HPSE2: variants seen among roughly 807,000 people sequenced by gnomAD.
The protein encoded by HPSE2 is inactive heparanase-2.
HPSE2 carries 38 observed loss-of-function variants against 60.5 expected under a neutral mutation model. That is an observed-to-expected ratio of 0.63 (90% CI 0.48 to 0.82). The LOEUF is 0.82. Ranked by LOEUF, HPSE2 falls within the 40% of genes least tolerant of loss-of-function variation. HPSE2 has a pLI of 0.00. For synonymous variants in HPSE2, 295 were observed against 293.2 expected (o/e 1.01, Z -0.06); for missense variants, 713 against 740.4 (o/e 0.96, Z 0.43).
the HPSE2 span, among the ~76,000 whole-genome samples, chr10:99,304,522 T>C: frequency 6.6e-6 from 1 of 152,226 alleles, no homozygotes; most frequent in African/African-American, 2.4e-5. Context: ...AGAACGCTTG[T>C]GGGCTAAGCT....
chr10:98,965,021 CTTA>C (rs1260728527), intron 3 of HPSE2, among the ~76,000 whole-genome samples: 1 of 152,212 alleles, frequency 6.6e-6, no homozygotes, highest in Non-Finnish European at 1.5e-5. Context: ...GATAGAGCCA[CTTA>C]TTATTATCTC....
chr10:98,890,015 C>G (rs952232671), intron 3 of HPSE2, among the ~76,000 whole-genome samples: 1 of 152,132 alleles, frequency 6.6e-6, no homozygotes, highest in Non-Finnish European at 1.5e-5. Flanking sequence ...TTGGCAATCT[C>G]TAATTTTCAG....
At chr10:99,051,039 C>T (rs561686832) in intron 3 of HPSE2, among the ~76,000 whole-genome samples, 2 of 151,576 alleles carry the variant, frequency 1.3e-5, no homozygotes, top group Non-Finnish European at 2.9e-5. Flanking sequence ...TGTTAATATC[C>T]AATAAAAAAG....
the HPSE2 span, among the ~76,000 whole-genome samples, chr10:99,266,567 G>A: frequency 6.6e-6 from 1 of 152,048 alleles, no homozygotes; most frequent in South Asian, 2.1e-4. Context: ...ACTCACCCTT[G>A]TAGCTGAAGA....
intron 3 of HPSE2, among the ~76,000 whole-genome samples, chr10:99,076,731 A>G (rs949770618): frequency 6.6e-6 from 1 of 152,168 alleles, no homozygotes; most frequent in Non-Finnish European, 1.5e-5. Context: ...ACTAGAGTTA[A>G]AAGTGACTTA....
intron 7 of HPSE2, 132 bp from the exon 8 acceptor site, chr10:98,620,840 T>TATG: frequency 2.8e-6 from 2 of 726,520 alleles, no homozygotes; most frequent in Non-Finnish European, 4.9e-6. Flanking sequence ...TGTGCTTTCT[T>TATG]ATGATGATGC....
chr10:98,721,433 A>T (rs1319665472), intron 5 of HPSE2, among the ~76,000 whole-genome samples: 2 of 152,060 alleles, frequency 1.3e-5, no homozygotes, highest in Non-Finnish European at 2.9e-5. Context: ...ATTGTGATAT[A>T]CCTTCCCCAT....
intron 2 of HPSE2, among the ~76,000 whole-genome samples, chr10:99,164,598 C>A (rs1157677196): frequency 6.6e-6 from 1 of 151,994 alleles, no homozygotes; most frequent in East Asian, 1.9e-4. Context: ...TACTTCTAGA[C>A]CCTCTCAAGT....
At chr10:98,561,454 G>A (rs1478611037) in intron 9 of HPSE2, among the ~76,000 whole-genome samples, 1 of 152,004 alleles carries the variant, frequency 6.6e-6, no homozygotes, top group East Asian at 1.9e-4. Context: ...ACAACTGTTA[G>A]GCTAAATATT....
chr10:99,032,472 C>T (rs1334959882), intron 3 of HPSE2, among the ~76,000 whole-genome samples: 1 of 152,196 alleles, frequency 6.6e-6, no homozygotes, highest in Non-Finnish European at 1.5e-5. Flanking sequence ...CCTGCCCCAT[C>T]CCTTTCAAAC....
chr10:98,524,852 G>A (rs1942912374), intron 9 of HPSE2, among the ~76,000 whole-genome samples: 1 of 152,060 alleles, frequency 6.6e-6, no homozygotes, highest in Non-Finnish European at 1.5e-5. Context: ...AATCTTACAT[G>A]CACAATATAA....
intron 9 of HPSE2, among the ~76,000 whole-genome samples, chr10:98,565,598 C>T (rs2133885041): frequency 6.6e-6 from 1 of 152,198 alleles, no homozygotes; most frequent in South Asian, 2.1e-4. Flanking sequence ...TGGGTTGATG[C>T]CATGTCTTTG....
At chr10:98,918,434 G>A (rs576407270) in intron 3 of HPSE2, among the ~76,000 whole-genome samples, 22 of 151,550 alleles carry the variant, frequency 1.5e-4, no homozygotes, top group South Asian at 2.1e-4. Context: ...CAACCCAAAT[G>A]TCCAACAATG....
chr10:98,659,983 G>C (rs117794776), intron 6 of HPSE2, among the ~76,000 whole-genome samples: 2,456 of 152,280 alleles, frequency 0.016, 32 homozygotes, highest in Middle Eastern at 0.085. Context: ...ATAAGCTAAG[G>C]ATGGGAAAAG....
At chr10:98,633,747 C>T (rs1403779949) in intron 7 of HPSE2, among the ~76,000 whole-genome samples, 1 of 152,136 alleles carries the variant, frequency 6.6e-6, no homozygotes, top group Non-Finnish European at 1.5e-5. Context: ...GAGTCAGCGC[C>T]TCTAACCCTC....
At chr10:98,919,228 C>A (rs1346717122) in intron 3 of HPSE2, among the ~76,000 whole-genome samples, 1 of 152,136 alleles carries the variant, frequency 6.6e-6, no homozygotes, top group African/African-American at 2.4e-5. Context: ...CGAGTATACA[C>A]ATAAGCAGAT....
At chr10:98,791,159 T>C (rs1452846495) in intron 3 of HPSE2, among the ~76,000 whole-genome samples, 1 of 152,238 alleles carries the variant, frequency 6.6e-6, no homozygotes, top group East Asian at 1.9e-4. Flanking sequence ...TATATCATTT[T>C]CCCACAACTT....
intron 3 of HPSE2, among the ~76,000 whole-genome samples, chr10:99,139,192 C>T (rs183582311): frequency 6.6e-6 from 1 of 152,128 alleles, no homozygotes; most frequent in Admixed American, 6.5e-5. Context: ...GAATGGAAAA[C>T]CAAATAATGT....
At chr10:99,036,335 C>G (rs906090641) in intron 3 of HPSE2, among the ~76,000 whole-genome samples, 5 of 152,158 alleles carry the variant, frequency 3.3e-5, no homozygotes, top group African/African-American at 9.6e-5. Flanking sequence ...TATAGATGAG[C>G]CTGGAGCATC....
Sources: allele counts gnomAD v4.1 joint callset (sites outside exome capture counted in the v4.1 genomes callset), GRCh38; gene constraint gnomAD v4.1.1; transcripts MANE v1.5; gene names NCBI Gene and HGNC (gene_info 2026-07-23, HGNC 2026-07-21).